The following CATSPERG variants were observed in gnomAD, a reference collection of about 807,000 sequenced individuals.
CATSPERG encodes cation channel sperm-associated auxiliary subunit gamma.
Under a neutral mutation model 145.0 loss-of-function variants are expected in CATSPERG, and 115 were observed. The observed-to-expected ratio is 0.79, with a 90% CI of 0.68 to 0.93. CATSPERG has a LOEUF of 0.93. CATSPERG is among the 40% of genes least tolerant of loss of function. CATSPERG has a pLI of 0.00. For missense variants in CATSPERG, 1,296 were observed against 1,490.1 expected, an observed-to-expected ratio of 0.87 and a Z score of 2.14; for synonymous variants, 588 against 589.0, an observed-to-expected ratio of 1.00 and a Z score of 0.02.
intron 1 of CATSPERG, chr19:38,336,376 G>A (rs1224941058): frequency 2.8e-6 from 1 of 357,902 alleles, no homozygotes; most frequent in Non-Finnish European, 5.7e-6. Context: ...ACGGGCCCGC[G>A]CGGGAAGAAC....
rs71334833 is a variant in CATSPERG at position 38,344,882 on chromosome 19, CAT to C, written c.669+533_669+534del. Among the ~76,000 whole-genome samples the C allele has an allele frequency of 1.9e-3, 100 of 53,320 alleles. 16 individuals carry two copies. Among genetic ancestry groups the C allele is most frequent in the African/African-American group, 3.7e-3 (71 of 19,212 alleles). The allele number at this position is 53,320 out of a possible 152,430, so 35.0% of individuals were successfully genotyped here. A position where few individuals can be genotyped will look rare whatever the true frequency, so the allele number is the denominator to read the frequency against. ...ACACACACACACACACACACACACA[CAT>C]ATATATATATATATATATTTTTTTT... On this transcript the variant is annotated intron_variant, in intron 6 of 28. Coordinates refer to ENST00000409235, the MANE Select transcript of CATSPERG (RefSeq NM_021185.5).
In CATSPERG at chr19:38,367,232, A is replaced by C; in HGVS notation, c.2690A>C (p.Glu897Ala). 9 of 1,613,952 alleles carry C rather than the reference A, an allele frequency of 5.6e-6. No homozygotes were observed. Among genetic ancestry groups the C allele is most frequent in the Non-Finnish European group, 6.8e-6 (8 of 1,179,996 alleles). ...GCCTTCGACATCACCTACACGCTGGAATACAGCCGCCTGAAGAACAAACAC... is the reference window on the plus strand; with the variant it reads ...GCCTTCGACATCACCTACACGCTGGCATACAGCCGCCTGAAGAACAAACAC... ...RLAFDITYTL[E>A]YSRLKNKHYF... Residue 897 changes from glutamate (E) to alanine (A), a missense_variant, in exon 23 of 29, where the codon GAA (glutamate) becomes GCA (alanine). Transcript: ENST00000409235.
In CATSPERG at chr19:38,343,975, C is replaced by T; in HGVS notation, c.470-18C>T. 6.5e-7 allele frequency: 1 copy of T among 1,548,784 alleles called. No individual in the cohort carries two copies. The highest frequency in any genetic ancestry group is 8.7e-7 in the Non-Finnish European group (1 of 1,146,602). On this transcript the variant is annotated intron_variant, in intron 4 of 28. Transcript: ENST00000409235. ...TTGGGAGGCCCCAGCAGTTTCAGTG[C>T]CCAGGGCCTCCCTGCAGAGCCATGC...
At chr19:38,356,947 C>A in intron 11 of CATSPERG, 86 bp downstream of exon 11, 1 of 1,543,316 alleles carries the variant, frequency 6.5e-7, no homozygotes, top group South Asian at 1.2e-5. Flanking sequence ...GATCTGTGCC[C>A]AGCAGACAGA....
Position 38,337,456 on chromosome 19 carries a change from G to A in CATSPERG, c.222G>A (p.Val74=). 1 of 1,552,182 alleles carries A rather than the reference G, an allele frequency of 6.4e-7. No individual in the cohort carries two copies. Among genetic ancestry groups the A allele is most frequent in the South Asian group, 1.2e-5 (1 of 84,056 alleles). The change falls in exon 2 of 29, where the codon GTG becomes GTA. Residue 74 remains valine, a synonymous_variant. Transcript: ENST00000409235. ...TTGAGCAAGAGCCCGTGGACACAGT[G>A]AGCAGCTTGTTTCACATGCTGGTGG... ...SFFEQEPVDT[V]SSLFHMLVDS...
intron 3 of CATSPERG, among the ~76,000 whole-genome samples, chr19:38,338,868 T>C (rs1249755884): frequency 6.6e-6 from 1 of 151,828 alleles, no homozygotes; most frequent in Non-Finnish European, 1.5e-5. Context: ...GACCCTGTCT[T>C]TGTTTTTATT....
rs1298901761 is a variant in CATSPERG, at chr19:38,336,253, G to A, written c.-15+378G>A. The A allele has an allele frequency of 1.1e-5, 5 of 456,130 alleles. 1 individual carries two copies. Among genetic ancestry groups the A allele is most frequent in the South Asian group, 7.8e-5 (5 of 64,466 alleles). The allele number at this position is 456,130 out of a possible 1,614,324, so 28.3% of individuals were successfully genotyped here. A position where few individuals can be genotyped will look rare whatever the true frequency, so the allele number is the denominator to read the frequency against. ...TGGTGCCGGCGTGGAAGGAGAAGGTGTGGGGCGAGGAAACAACGAAGGGCG... is the reference window on the plus strand; with the variant it reads ...TGGTGCCGGCGTGGAAGGAGAAGGTATGGGGCGAGGAAACAACGAAGGGCG... On this transcript the variant is annotated intron_variant, in intron 1 of 28. Coordinates refer to ENST00000409235, the MANE Select transcript of CATSPERG (RefSeq NM_021185.5).
intron 1 of CATSPERG, chr19:38,336,942 G>C (rs1051581719): frequency 2.7e-5 from 14 of 524,982 alleles, no homozygotes; most frequent in African/African-American, 5.7e-5. Flanking sequence ...ACGAGGGTCG[G>C]GGGCAGGGCC....
Position 38,359,542 on chromosome 19 carries a change from G to C in CATSPERG, c.1569G>C (p.Ser523=), listed in dbSNP as rs758939170. ...TGTCCATCAAATACATGGCCAGATCGTTCCGTGGGGCTGTGGCTATTGTCA... is the reference window on the plus strand; with the variant it reads ...TGTCCATCAAATACATGGCCAGATCCTTCCGTGGGGCTGTGGCTATTGTCA... ...KELSIKYMAR[S]FRGAVAIVTE... is the part of the protein sequence containing the mutation. The change falls in exon 14 of 29, where the codon TCG becomes TCC. Residue 523 remains serine (S), a synonymous_variant. Transcript: ENST00000409235. 4 of 1,613,702 alleles carry C rather than the reference G, an allele frequency of 2.5e-6. No homozygotes were observed. The highest frequency in any genetic ancestry group is 1.1e-5 in the South Asian group (1 of 91,072).
intron 12 of CATSPERG, 28 bp downstream of exon 12, chr19:38,358,356 AG>A (rs776155882): frequency 5.3e-5 from 86 of 1,614,008 alleles, no homozygotes; most frequent in Non-Finnish European, 1.2e-5. Context: ...ACGTGGCCTC[AG>A]GGTGGCTGTG....
chr19:38,349,910 C>T (rs966450769), intron 7 of CATSPERG, among the ~76,000 whole-genome samples: 2 of 152,216 alleles, frequency 1.3e-5, no homozygotes. Flanking sequence ...AATGATCTGC[C>T]CGCCTTGGCC....
At chr19:38,354,347 C>G (rs1555732512) in intron 8 of CATSPERG, among the ~76,000 whole-genome samples, 1 of 152,206 alleles carries the variant, frequency 6.6e-6, no homozygotes, top group Admixed American at 6.5e-5. Flanking sequence ...TGATTCAGGC[C>G]TCTACGCAGC....
chr19:38,340,922 C>A (rs1373927820), intron 3 of CATSPERG, among the ~76,000 whole-genome samples: 1 of 149,666 alleles, frequency 6.7e-6, no homozygotes, highest in African/African-American at 2.5e-5. Flanking sequence ...TAGTGGGGGT[C>A]GTTGGAGAAG....
intron 13 of CATSPERG, among the ~76,000 whole-genome samples, 174 bp from the exon 14 acceptor site, chr19:38,359,296 G>A (rs1426713216): frequency 2.0e-5 from 3 of 151,858 alleles, no homozygotes; most frequent in Admixed American, 1.3e-4. Context: ...TTTACAGATG[G>A]GGAGCTGAAG....
intron 3 of CATSPERG, among the ~76,000 whole-genome samples, chr19:38,338,390 C>T (rs1324638020): frequency 1.3e-5 from 2 of 152,100 alleles, no homozygotes; most frequent in Admixed American, 6.5e-5. Context: ...CCTCGTGATC[C>T]GCCCGCCTCG....
intron 6 of CATSPERG, among the ~76,000 whole-genome samples, chr19:38,345,812 T>A (rs113439372): frequency 6.6e-6 from 1 of 151,978 alleles, no homozygotes; most frequent in Admixed American, 6.6e-5. Flanking sequence ...ACGCCTGGCC[T>A]CATACCCATA....
At chr19:38,348,236 G>A (rs1970073581) in intron 7 of CATSPERG, among the ~76,000 whole-genome samples, 1 of 151,996 alleles carries the variant, frequency 6.6e-6, no homozygotes, top group Non-Finnish European at 1.5e-5. Context: ...ATAGCTCACT[G>A]CAGCCTCCAA....
intron 14 of CATSPERG, 48 bp downstream of exon 14, chr19:38,359,629 A>C: frequency 6.4e-7 from 1 of 1,563,402 alleles, no homozygotes; most frequent in Non-Finnish European, 8.7e-7. Context: ...CCACCCCCAA[A>C]CCCCAGGGGC....
chr19:38,344,192 A>G (rs944122889), intron 5 of CATSPERG, 73 bp downstream of exon 5: 14 of 1,543,720 alleles, frequency 9.1e-6, no homozygotes, highest in African/African-American at 1.4e-5. Context: ...CAGAGGAGCC[A>G]GTGGGAGATC....
Sources: gnomAD v4.1 joint callset for allele counts (sites outside exome capture counted in the v4.1 genomes callset) on GRCh38, gnomAD v4.1.1 for gene constraint, MANE v1.5 for transcripts, NCBI Gene and HGNC (gene_info 2026-07-23, HGNC 2026-07-21) for gene names.